Variants in CCNH observed in about 807,000 individuals in gnomAD.
CCNH encodes cyclin H, also known as cyclin-H.
CCNH carries 31 observed loss-of-function variants against 41.9 expected under a neutral mutation model. That is an observed-to-expected ratio of 0.74 (90% CI 0.56 to 1.00). The LOEUF is 1.00. Among genes scored for constraint, CCNH ranks in the 50% least tolerant of loss-of-function variants. CCNH has a pLI of 0.00. For synonymous variants in CCNH, 138 were observed against 136.1 expected, an observed-to-expected ratio of 1.01 and a Z score of -0.10; for missense variants, 362 against 388.4, an observed-to-expected ratio of 0.93 and a Z score of 0.57.
intron 7 of CCNH, among the ~76,000 whole-genome samples, chr5:87,396,698 CTG>C (rs1489857749): frequency 6.6e-6 from 1 of 152,050 alleles, no homozygotes; most frequent in Non-Finnish European, 1.5e-5. Context: ...ATATAAGTGA[CTG>C]TTAAGTATGG....
downstream of CCNH, chr5:87,392,357 G>A: frequency 2.2e-6 from 1 of 455,954 alleles, no homozygotes; most frequent in South Asian, 1.5e-5. Flanking sequence ...GCTAACCTAT[G>A]TGGCTTCAAT....
intron 9 of CCNH, among the ~76,000 whole-genome samples, chr5:87,342,075 A>T (rs1315971093): frequency 6.6e-6 from 1 of 151,884 alleles, no homozygotes; most frequent in East Asian, 1.9e-4. Context: ...AGATTCCATT[A>T]GTGAGACTGT....
chr5:87,321,680 C>T lies in CCNH; in HGVS notation c.*91-2783G>A, dbSNP rs976985419. ...TCCCAAATGTAGGAGCCTCTGTTTC[C>T]GTGGAGTTAGGGTATGCCACTCTCC... On this transcript the variant is annotated intron_variant and NMD_transcript_variant, in intron 9 of 9. Coordinates refer to the CCNH transcript ENST00000645953. 5.3e-5 allele frequency among the ~76,000 whole-genome samples: 8 copies of T among 152,250 alleles called. No individual in the cohort carries two copies. The East Asian group carries it at 5.8e-4, about 11-fold the overall frequency.
intron 9 of CCNH, among the ~76,000 whole-genome samples, chr5:87,325,727 A>G (rs960041641): frequency 7.2e-5 from 11 of 152,214 alleles, no homozygotes; most frequent in African/African-American, 2.2e-4. Context: ...AAGGAACTCT[A>G]TTGATGTTAG....
intron 4 of CCNH, among the ~76,000 whole-genome samples, chr5:87,407,245 G>T (rs1378868063): frequency 6.6e-6 from 1 of 152,048 alleles, no homozygotes; most frequent in Non-Finnish European, 1.5e-5. Flanking sequence ...TTTCCCCTCT[G>T]TATCATTGAG....
chr5:87,336,009 A>G (rs900532518), intron 9 of CCNH, among the ~76,000 whole-genome samples: 8 of 152,230 alleles, frequency 5.3e-5, no homozygotes, highest in African/African-American at 1.9e-4. Context: ...AGAAAAGGCT[A>G]TTAAAATACT....
At chr5:87,321,155 A>G (rs528722794) in intron 9 of CCNH, among the ~76,000 whole-genome samples, 9 of 152,332 alleles carry the variant, frequency 5.9e-5, no homozygotes, top group East Asian at 1.9e-4. Flanking sequence ...AATAATTTCA[A>G]TGATACTGGA....
At chr5:87,376,771 G>T (rs1268772150) in exon 1 of CCNH, 2 of 1,248,996 alleles carry the variant, frequency 1.6e-6, no homozygotes, top group East Asian at 4.9e-5. Context: ...TATTCAATGG[G>T]ACATCATTTT....
chr5:87,371,934 GTTA>G (rs1760974502), downstream of CCNH, among the ~76,000 whole-genome samples: 3 of 151,102 alleles, frequency 2.0e-5, no homozygotes, highest in South Asian at 2.1e-4. Flanking sequence ...TTTTATTATT[GTTA>G]TTGTTATGTT....
chr5:87,328,568 G>T (rs1420724443), intron 9 of CCNH, among the ~76,000 whole-genome samples: 1 of 152,038 alleles, frequency 6.6e-6, no homozygotes, highest in Non-Finnish European at 1.5e-5. Context: ...TTATATCTTT[G>T]TTATTGAGAG....
intron 9 of CCNH, among the ~76,000 whole-genome samples, chr5:87,347,236 A>G (rs759457254): frequency 2.0e-5 from 3 of 152,008 alleles, no homozygotes; most frequent in Non-Finnish European, 4.4e-5. Flanking sequence ...GCTACAGCAG[A>G]CATTCTTGTA....
chr5:87,355,764 G>C (rs1316504678), intron 9 of CCNH, among the ~76,000 whole-genome samples: 1 of 152,218 alleles, frequency 6.6e-6, no homozygotes, highest in Non-Finnish European at 1.5e-5. Context: ...AGGCCATTAA[G>C]AACATTTGTG....
downstream of CCNH, among the ~76,000 whole-genome samples, chr5:87,388,263 T>C (rs1015616900): frequency 3.3e-5 from 5 of 152,206 alleles, no homozygotes; most frequent in Non-Finnish European, 7.4e-5. Flanking sequence ...CTCTGTCCCA[T>C]AGATAACATT....
In CCNH at chr5:87,325,164, A is replaced by G. The variant is rs150135375; in HGVS notation, c.*91-6267T>C. ...ATGGTGTCATCAAGGAGAAGTACTG[A>G]GCAAAAGGGGGAAAAGCCCCTTATA... is the stretch of plus-strand genomic sequence containing the variant. On this transcript the variant is annotated intron_variant and NMD_transcript_variant, in intron 9 of 9. Coordinates refer to the CCNH transcript ENST00000645953. 2.6e-3 allele frequency among the ~76,000 whole-genome samples: 401 copies of G among 152,214 alleles called. 4 individuals carry two copies. Among genetic ancestry groups the G allele is most frequent in the East Asian group, 8.5e-3 (44 of 5,158 alleles).
downstream of CCNH, chr5:87,374,795 G>C: frequency 1.3e-6 from 2 of 1,599,738 alleles, no homozygotes; most frequent in South Asian, 2.2e-5. Context: ...AAGGTAGTTT[G>C]ATGCCAAAAC....
At chr5:87,395,501 G>A (rs758441659) in intron 7 of CCNH, among the ~76,000 whole-genome samples, 1 of 152,146 alleles carries the variant, frequency 6.6e-6, no homozygotes, top group Non-Finnish European at 1.5e-5. Context: ...GATAAGCAAA[G>A]TAATGACTAT....
chr5:87,349,187 G>A (rs756756206), intron 9 of CCNH: 1 of 1,609,062 alleles, frequency 6.2e-7, no homozygotes, highest in African/African-American at 1.3e-5. Context: ...GATAATTAGG[G>A]AAAAACTAAC....
At chr5:87,361,463 G>A (rs1029893621) in intron 9 of CCNH, among the ~76,000 whole-genome samples, 2 of 152,122 alleles carry the variant, frequency 1.3e-5, no homozygotes, top group African/African-American at 4.8e-5. Flanking sequence ...GGATTGAATG[G>A]ATCCATGAAG....
chr5:87,331,922 CA>C (rs1561287102), intron 9 of CCNH, among the ~76,000 whole-genome samples: 1 of 152,002 alleles, frequency 6.6e-6, no homozygotes, highest in African/African-American at 2.4e-5. Flanking sequence ...GTGAAACAGA[CA>C]TATAAATTTT....
Sources: gnomAD v4.1 joint callset for allele counts (sites outside exome capture counted in the v4.1 genomes callset) on GRCh38, gnomAD v4.1.1 for gene constraint, MANE v1.5 for transcripts, NCBI Gene and HGNC (gene_info 2026-07-23, HGNC 2026-07-21) for gene names.